The following ZDHHC23 variants were observed in gnomAD, a reference collection of about 807,000 sequenced individuals.
The protein encoded by ZDHHC23 is zDHHC palmitoyltransferase 23, also known as palmitoyltransferase ZDHHC23.
A neutral mutation model predicts 40.2 loss-of-function variants in ZDHHC23; 41 were observed. The ratio of observed to expected loss-of-function variants is 1.02; its 90% CI spans 0.79 to 1.32. The LOEUF (loss-of-function observed/expected upper bound fraction) is 1.32, where lower values mean the gene tolerates loss of function less well. Ranked by LOEUF, ZDHHC23 falls within the 40% of genes most tolerant of loss-of-function variation. The pLI is 0.00. For synonymous variants in ZDHHC23, 204 were observed against 210.2 expected (o/e 0.97, Z 0.26); for missense variants, 471 against 541.5 (o/e 0.87, Z 1.29).
In ZDHHC23 at chr3:113,961,329, C is replaced by T. The variant is rs1239978943; in HGVS notation, c.*2699C>T. The stretch of plus-strand genomic sequence containing the variant: ...TCTGGCCACTTAGATTATTATCACA[C>T]CACTGTGGACTGTTCCTGGGGGGAG... On this transcript the variant is annotated 3_prime_UTR_variant, in exon 5 of 5. Transcript: ENST00000638807. 1 of 152,296 alleles carries T rather than the reference C, an allele frequency of 6.6e-6. No homozygotes were observed. Among genetic ancestry groups the T allele is most frequent in the Non-Finnish European group, 1.5e-5 (1 of 68,116 alleles). The allele number at this position is 152,296 out of a possible 1,614,324, so 9.4% of individuals were successfully genotyped here.
chr3:113,978,901 T>A, the ZDHHC23 span: 1 of 1,613,934 alleles, frequency 6.2e-7, no homozygotes, highest in Non-Finnish European at 8.5e-7. Flanking sequence ...TATTTGGGAA[T>A]AAAATTGATC....
chr3:113,959,796 T>A lies in ZDHHC23; in HGVS notation c.*1166T>A. ...AATTACCCCTCCCTAAATAACAGTATCTCACTAAGAGAGAAGAAACAGGGT... is the reference window on the plus strand; with the variant it reads ...AATTACCCCTCCCTAAATAACAGTAACTCACTAAGAGAGAAGAAACAGGGT... On this transcript the variant is annotated 3_prime_UTR_variant, in exon 5 of 5. Coordinates refer to ENST00000638807, the MANE Select transcript of ZDHHC23 (RefSeq NM_001320466.2). 1 of 1,063,996 alleles carries A rather than the reference T, an allele frequency of 9.4e-7. No homozygotes were observed. The highest frequency in any genetic ancestry group is 1.2e-6 in the Non-Finnish European group (1 of 867,190). 65.9% of individuals were successfully genotyped at this position (1,063,996 alleles called of 1,614,324 possible). A position where few individuals can be genotyped will look rare whatever the true frequency, so the allele number is the denominator to read the frequency against.
chr3:113,953,938 A>T lies in ZDHHC23; in HGVS notation c.400A>T (p.Arg134Trp). ...GTGGTACTACTACCTCACTCACAGA[A>T]GGAAAGAACAGACCCTGTTTTTCCT... ...ALWYYYLTHR[R>W]KEQTLFFLSL... The change falls in exon 3 of 5, where the codon AGG becomes TGG. Residue 134 changes from arginine (R) to tryptophan (W), a missense_variant. Physicochemically the swap from Arg to Trp is moderately radical, Grantham distance 101. Transcript: ENST00000638807. 6.2e-7 allele frequency: 1 copy of T among 1,614,104 alleles called. No homozygotes were observed. Among genetic ancestry groups the T allele is most frequent in the South Asian group, 1.1e-5 (1 of 91,076 alleles).
chr3:113,971,251 C>T, the ZDHHC23 span, among the ~76,000 whole-genome samples: 47 of 152,008 alleles, frequency 3.1e-4, no homozygotes, highest in African/African-American at 7.7e-4. Context: ...TTTTAATGAT[C>T]GCCATTCTAA....
chr3:113,958,276 TAA>T, intron 4 of ZDHHC23, 85 bp from the exon 5 acceptor site: 2 of 1,281,676 alleles, frequency 1.6e-6, no homozygotes, highest in Non-Finnish European at 1.1e-6. Context: ...TAGTAATAAG[TAA>T]AAAAATGTGT....
intron 3 of ZDHHC23, among the ~76,000 whole-genome samples, chr3:113,955,507 C>T (rs1477237956): frequency 6.6e-6 from 1 of 152,090 alleles, no homozygotes; most frequent in Non-Finnish European, 1.5e-5. Context: ...CTACATTCTG[C>T]CCCACAAATG....
At chr3:113,978,080 T>C in the ZDHHC23 span, 1 of 1,291,012 alleles carries the variant, frequency 7.7e-7, no homozygotes, top group East Asian at 2.3e-5. Context: ...GTTTCCCCGC[T>C]CTCCTAGCCT....
chr3:113,978,151 CAG>C, the ZDHHC23 span: 1 of 1,610,018 alleles, frequency 6.2e-7, no homozygotes, highest in Non-Finnish European at 8.5e-7. Flanking sequence ...ATTGTGAAGT[CAG>C]AGAGTGAATT....
At chr3:113,970,533 T>A in the ZDHHC23 span, among the ~76,000 whole-genome samples, 1 of 152,162 alleles carries the variant, frequency 6.6e-6, no homozygotes, top group Non-Finnish European at 1.5e-5. Context: ...ATAAAAGTGC[T>A]GAAAGTGGGC....
At position 113,959,533 on chromosome 3, in the gene ZDHHC23, C is replaced by T. The variant is rs1330312182; in HGVS notation, c.*903C>T. Reference sequence around the variant, plus strand: ...CATGTTTCACCAGGTAAGGTGCTAGCACACTTGTGACTGTGGCTGGAAGAG... The same window carrying T: ...CATGTTTCACCAGGTAAGGTGCTAGTACACTTGTGACTGTGGCTGGAAGAG... On this transcript the variant is annotated 3_prime_UTR_variant, in exon 5 of 5. Transcript: ENST00000638807. The T allele has an allele frequency of 7.8e-7, 1 of 1,276,580 alleles. No individual in the cohort carries two copies. Among genetic ancestry groups the T allele is most frequent in the Admixed American group, 2.3e-5 (1 of 43,432 alleles). The allele number at this position is 1,276,580 out of a possible 1,614,324, so 79.1% of individuals were successfully genotyped here.
chr3:113,948,900 G>A lies in ZDHHC23; in HGVS notation c.98G>A (p.Gly33Glu). The stretch of plus-strand genomic sequence containing the variant: ...TGCTGCGAGTACATAGATCGGAATG[G>A]GGAAAAGAACCACGTGGCTACTTGT... ...LCCCEYIDRN[G>E]EKNHVATCLC... Residue 33 changes from glycine (G) to glutamate (E), a missense_variant, in exon 2 of 5, where the codon GGG becomes GAG. Around this residue, in one of 3 missense-constraint regions of ZDHHC23, gnomAD observed 83 missense variants for 67.8 expected, o/e 1.22. Coordinates refer to ENST00000638807, the MANE Select transcript of ZDHHC23 (RefSeq NM_001320466.2). The A allele has an allele frequency of 6.2e-6, 10 of 1,614,208 alleles. No homozygotes were observed. Among genetic ancestry groups the A allele is most frequent in the Non-Finnish European group, 8.5e-6 (10 of 1,180,032 alleles).
chr3:113,971,177 C>T, the ZDHHC23 span, among the ~76,000 whole-genome samples: 1 of 152,196 alleles, frequency 6.6e-6, no homozygotes, highest in Non-Finnish European at 1.5e-5. Context: ...TTTACAGTCC[C>T]ACCAACAGTG....
At chr3:113,955,159 T>C (rs560297763) in intron 3 of ZDHHC23, among the ~76,000 whole-genome samples, 7 of 152,326 alleles carry the variant, frequency 4.6e-5, no homozygotes, top group Middle Eastern at 3.4e-3. Context: ...TTTTCGTGTC[T>C]AGGATTCTGG....
At chr3:113,979,072 A>T in the ZDHHC23 span, 1 of 1,476,766 alleles carries the variant, frequency 6.8e-7, no homozygotes, top group Non-Finnish European at 9.3e-7. Context: ...AAACAAACAC[A>T]TCACCTTTGG....
At chr3:113,966,409 A>G (rs1369373760), downstream of ZDHHC23, among the ~76,000 whole-genome samples, 1 of 152,118 alleles carries the variant, frequency 6.6e-6, no homozygotes, top group Non-Finnish European at 1.5e-5. Flanking sequence ...AGGCTGAAAC[A>G]GGTGACCAGA....
At chr3:113,974,443 C>T in the ZDHHC23 span, among the ~76,000 whole-genome samples, 2 of 151,910 alleles carry the variant, frequency 1.3e-5, no homozygotes, top group Non-Finnish European at 2.9e-5. Flanking sequence ...CCTCAGGCTT[C>T]CGAGTAGGTG....
Position 113,948,671 on chromosome 3 carries a change from T to G in ZDHHC23, c.-117-15T>G. 1 of 1,099,888 alleles carries G rather than the reference T, an allele frequency of 9.1e-7. No homozygotes were observed. The highest frequency in any genetic ancestry group is 1.3e-6 in the Non-Finnish European group (1 of 778,030). The allele number at this position is 1,099,888 out of a possible 1,614,324, so 68.1% of individuals were successfully genotyped here. ...GACCCCCTCCCCCTCTCTCTTCTCA[T>G]TTTTGATTGCTCAGGCGTTGGAGGT... On this transcript the variant is annotated splice_polypyrimidine_tract_variant and intron_variant, in intron 1 of 4. Coordinates refer to ENST00000638807, the MANE Select transcript of ZDHHC23 (RefSeq NM_001320466.2).
chr3:113,955,805 C>CCT (rs1402259988), intron 3 of ZDHHC23, among the ~76,000 whole-genome samples: 7 of 152,150 alleles, frequency 4.6e-5, no homozygotes, highest in Non-Finnish European at 1.0e-4. Context: ...TATACTTAGT[C>CCT]TTGTCCTTAA....
the ZDHHC23 span, among the ~76,000 whole-genome samples, chr3:113,972,709 T>A: frequency 6.6e-6 from 1 of 152,142 alleles, no homozygotes; most frequent in Non-Finnish European, 1.5e-5. Context: ...TCTCTCCCTT[T>A]ATTGTTTGCT....
Sources: gnomAD v4.1 joint callset for allele counts (sites outside exome capture counted in the v4.1 genomes callset) on GRCh38, gnomAD v4.1.1 for gene constraint, gnomAD v4.1.1 regional missense constraint, MANE v1.5 for transcripts, NCBI Gene and HGNC (gene_info 2026-07-23, HGNC 2026-07-21) for gene names.